MYOM1: variants seen among roughly 807,000 people sequenced by gnomAD.
MYOM1 encodes the protein myomesin-1.
Under a neutral mutation model 205.3 loss-of-function variants are expected in MYOM1, and 164 were observed. That is an observed-to-expected ratio of 0.80 (90% CI 0.70 to 0.91). The LOEUF is 0.91. Ranked by LOEUF, MYOM1 falls within the 40% of genes least tolerant of loss-of-function variation. MYOM1 has a pLI of 0.00. For missense variants in MYOM1, 2,011 were observed against 2,127.3 expected (o/e 0.95, Z 1.08); for synonymous variants, 772 against 789.4 (o/e 0.98, Z 0.37).
At chr18:3,141,642 A>T (rs1337839892) in intron 14 of MYOM1, among the ~76,000 whole-genome samples, 3 of 152,208 alleles carry the variant, frequency 2.0e-5, no homozygotes, top group African/African-American at 7.2e-5. Context: ...ATTGTCATAC[A>T]GGCAATCTAC....
chr18:3,111,439 T>G (rs1245673076), intron 22 of MYOM1, among the ~76,000 whole-genome samples: 1 of 152,100 alleles, frequency 6.6e-6, no homozygotes, highest in East Asian at 1.9e-4. Context: ...AACTGGGAAA[T>G]GAGGGCTGCC....
At chr18:3,068,910 G>A (rs2078929180) in intron 37 of MYOM1, among the ~76,000 whole-genome samples, 1 of 152,016 alleles carries the variant, frequency 6.6e-6, no homozygotes, top group African/African-American at 2.4e-5. Context: ...TATGATAAAT[G>A]CATGTTTCAT....
chr18:3,089,326 A>G, intron 28 of MYOM1, 85 bp from the exon 29 acceptor site: 1 of 1,079,338 alleles, frequency 9.3e-7, no homozygotes, highest in Non-Finnish European at 1.4e-6. Flanking sequence ...AAGGTGATTT[A>G]CATCTGAAGT....
At chr18:3,231,581 C>T in the MYOM1 span, among the ~76,000 whole-genome samples, 525 of 147,516 alleles carry the variant, frequency 3.6e-3, 3 homozygotes, top group African/African-American at 0.013. Context: ...CTCTTGCTGC[C>T]CAGGCTGGTG....
intron 29 of MYOM1, among the ~76,000 whole-genome samples, chr18:3,088,185 C>T (rs75569092): frequency 0.069 from 10,559 of 152,166 alleles, 396 homozygotes; most frequent in South Asian, 0.081. Context: ...CAGAGCTCCT[C>T]TGGTGCAGAG....
the MYOM1 span, among the ~76,000 whole-genome samples, chr18:3,235,935 T>A: frequency 6.6e-6 from 1 of 152,086 alleles, no homozygotes; most frequent in African/African-American, 2.4e-5. Flanking sequence ...ATCAGGAACA[T>A]CAAATGCAAA....
At chr18:3,233,616 A>G in the MYOM1 span, among the ~76,000 whole-genome samples, 1 of 152,206 alleles carries the variant, frequency 6.6e-6, no homozygotes, top group African/African-American at 2.4e-5. Context: ...TTAATGCTTT[A>G]CTGAATCAAC....
At chr18:3,227,643 CCT>C in the MYOM1 span, among the ~76,000 whole-genome samples, 3 of 151,944 alleles carry the variant, frequency 2.0e-5, no homozygotes, top group African/African-American at 7.3e-5. Context: ...ATGGTGAAAC[CCT>C]GCTTTTACTA....
intron 21 of MYOM1, among the ~76,000 whole-genome samples, chr18:3,115,827 G>A (rs2079596723): frequency 2.0e-5 from 3 of 152,264 alleles, no homozygotes; most frequent in South Asian, 4.2e-4. Context: ...GGGGTTGAGT[G>A]AACCTGTTCC....
At chr18:3,151,481 A>G (rs2080221172) in intron 12 of MYOM1, among the ~76,000 whole-genome samples, 1 of 85,928 alleles carries the variant, frequency 1.2e-5, no homozygotes, top group African/African-American at 4.4e-5. Flanking sequence ...AATAAATAAA[A>G]TAAAATAAAA....
Position 3,187,537 on chromosome 18 carries a change from T to C in MYOM1, c.872A>G (p.Lys291Arg). 1 of 1,613,956 alleles carries C rather than the reference T, an allele frequency of 6.2e-7. No individual in the cohort carries two copies. The highest frequency in any genetic ancestry group is 8.5e-7 in the Non-Finnish European group (1 of 1,179,852). ...GGAGCAATGCAATTTTACATTCTCC[T>C]TCTCCCAAACCGTGTGGGAGCGAGG... is the stretch of plus-strand genomic sequence containing the variant. ...IKPRSHTVWEKENVKLHCSIA... is the reference protein window; with the variant it reads ...IKPRSHTVWERENVKLHCSIA... Residue 291 changes from lysine to arginine, a missense_variant, in exon 5 of 38, where the codon AAG becomes AGG. Physicochemically the swap from Lys to Arg is conservative, Grantham distance 26 (BLOSUM62 2). Coordinates refer to ENST00000356443, the MANE Select transcript of MYOM1 (RefSeq NM_003803.4).
At chr18:3,132,191 G>T (rs1424909653) in intron 16 of MYOM1, among the ~76,000 whole-genome samples, 1 of 149,740 alleles carries the variant, frequency 6.7e-6, no homozygotes, top group Non-Finnish European at 1.5e-5. Context: ...TCGCTCTGTT[G>T]CCCAGGCTGG....
chr18:3,209,824 G>A lies in MYOM1; in HGVS notation c.290+5110C>T, dbSNP rs1365978198. 6.6e-6 allele frequency among the ~76,000 whole-genome samples: 1 copy of A among 152,118 alleles called. No homozygotes were observed. The highest frequency in any genetic ancestry group is 1.5e-5 in the Non-Finnish European group (1 of 68,020). ...CCATGTCCCTGATCTCTCTTACCCT[G>A]CTCTGTTTCTTATTGTTTCTATAAC... On this transcript the variant is annotated intron_variant, in intron 2 of 37. Transcript: ENST00000356443. The surrounding 1 kb of genome is among the most constrained non-coding windows in gnomAD (Gnocchi z 4.0).
intron 9 of MYOM1, among the ~76,000 whole-genome samples, chr18:3,165,333 G>A (rs1279292686): frequency 6.6e-6 from 1 of 152,170 alleles, no homozygotes; most frequent in African/African-American, 2.4e-5. Flanking sequence ...ACCTGTGGAG[G>A]TGACACTACA....
At chr18:3,079,151 A>C (rs2079054780) in intron 34 of MYOM1, 28 bp downstream of exon 34, 2 of 1,609,908 alleles carry the variant, frequency 1.2e-6, no homozygotes, top group African/African-American at 1.3e-5. Flanking sequence ...ATCTAGAGTA[A>C]ATTTGAATCT....
intron 20 of MYOM1, among the ~76,000 whole-genome samples, chr18:3,119,040 G>C (rs1355642863): frequency 6.6e-6 from 1 of 152,136 alleles, no homozygotes; most frequent in South Asian, 2.1e-4. Flanking sequence ...TAACGGCTTA[G>C]TAAATTTGCA....
intron 25 of MYOM1, among the ~76,000 whole-genome samples, chr18:3,094,518 G>A (rs193149228): frequency 3.9e-5 from 6 of 152,262 alleles, no homozygotes; most frequent in Non-Finnish European, 5.9e-5. Flanking sequence ...CTGTCACTTG[G>A]AGCAAGTTGT....
the MYOM1 span, among the ~76,000 whole-genome samples, chr18:3,231,228 G>C: frequency 6.6e-6 from 1 of 152,210 alleles, no homozygotes; most frequent in African/African-American, 2.4e-5. Context: ...AATTTGAAAA[G>C]ACTGAGTGTC....
chr18:3,116,253 GT>G (rs775013460), intron 21 of MYOM1, 77 bp downstream of exon 21: 7 of 1,440,460 alleles, frequency 4.9e-6, no homozygotes, highest in Non-Finnish European at 6.7e-6. Flanking sequence ...GAGATATTCT[GT>G]TTTATCTTGC....
Sources: gnomAD v4.1 joint callset for allele counts (sites outside exome capture counted in the v4.1 genomes callset) on GRCh38, gnomAD v4.1.1 for gene constraint, Gnocchi (gnomAD v3.1) non-coding constraint, MANE v1.5 for transcripts, NCBI Gene and HGNC (gene_info 2026-07-23, HGNC 2026-07-21) for gene names.